Variants in DNAJA4 observed in about 807,000 individuals in gnomAD.
DNAJA4 encodes the protein dnaJ homolog subfamily A member 4.
A neutral mutation model predicts 39.7 loss-of-function variants in DNAJA4; 32 were observed. The observed-to-expected ratio is 0.81, with a 90% confidence interval of 0.61 to 1.08. The LOEUF (loss-of-function observed/expected upper bound fraction) is 1.08. Ranked by LOEUF, DNAJA4 falls within the 50% of genes least tolerant of loss-of-function variation. The pLI is 0.00. For synonymous variants in DNAJA4, 184 were observed against 182.4 expected (o/e 1.01, Z -0.07); for missense variants, 439 against 505.1 (o/e 0.87, Z 1.25).
At chr15:78,278,384 A>G (rs1407481143) in intron 5 of DNAJA4, 1 of 435,458 alleles carries the variant, frequency 2.3e-6, no homozygotes, top group African/African-American at 2.0e-5. Context: ...TTGTTTGGCG[A>G]TGTCGTTGTG....
chr15:78,275,707 C>A lies in DNAJA4; in HGVS notation c.856C>A (p.Leu286Ile), dbSNP rs78756785. The A allele has an allele frequency of 2.5e-6, 4 of 1,609,870 alleles. No individual in the cohort carries two copies. Among genetic ancestry groups the A allele is most frequent in the Non-Finnish European group, 2.5e-6 (3 of 1,177,272 alleles). Reference protein sequence around the residue: ...KTIKTLDNRILVITSKAGEVI... With the variant: ...KTIKTLDNRIIVITSKAGEVI... ...GATAAAAACATTGGACAATCGAATT[C>A]TTGTTATTACATCCAAAGCAGGTAA... is the stretch of plus-strand genomic sequence containing the variant. Residue 286 changes from leucine to isoleucine, a missense_variant, in exon 5 of 7, where the codon CTT becomes ATT. Leu to Ile is a conservative substitution (Grantham distance 5). Transcript: ENST00000394852.
chr15:78,277,917 TTTTTG>T (rs2049517739), intron 5 of DNAJA4: 2 of 384,436 alleles, frequency 5.2e-6, no homozygotes, highest in Non-Finnish European at 5.1e-6. Flanking sequence ...TTGTTTGTCC[TTTTTG>T]TTTTGTTTTT....
At chr15:78,264,489 T>C, upstream of DNAJA4, 3 of 1,249,554 alleles carry the variant, frequency 2.4e-6, no homozygotes, top group Non-Finnish European at 2.0e-6. Flanking sequence ...TAGGCCTTTG[T>C]GGCGTCACCG....
At position 78,273,011 on chromosome 15, in the gene DNAJA4, A is replaced by C. The variant is rs940351444; in HGVS notation, c.314-84A>C. 12 of 822,840 alleles carry C rather than the reference A, an allele frequency of 1.5e-5. No homozygotes were observed. In the African/African-American group the frequency reaches 1.7e-4, roughly 12 times the overall value. The allele number at this position is 822,840 out of a possible 1,614,324, so 51.0% of individuals were successfully genotyped here. On this transcript the variant is annotated intron_variant, in intron 2 of 6. Coordinates refer to ENST00000394852, the MANE Select transcript of DNAJA4 (RefSeq NM_001130182.2). ...ACAGTCTTGAGTCTCTGGAGACTTCATACAACTAAGGGTCATATGGGTGGT... is the reference window on the plus strand; with the variant it reads ...ACAGTCTTGAGTCTCTGGAGACTTCCTACAACTAAGGGTCATATGGGTGGT...
intron 5 of DNAJA4, among the ~76,000 whole-genome samples, chr15:78,276,713 G>A (rs1330341903): frequency 2.0e-5 from 3 of 152,252 alleles, no homozygotes; most frequent in Non-Finnish European, 4.4e-5. Context: ...GTGGGGCTGG[G>A]ATTACCTTTT....
At chr15:78,266,154 C>CT (rs34954717) in intron 1 of DNAJA4, 1 of 1,448,704 alleles carries the variant, frequency 6.9e-7, no homozygotes, top group African/African-American at 1.4e-5. Context: ...CACCTGCTCC[C>CT]TACATTCATT....
chr15:78,264,598 CGGGGCGGGGGGCGGGCGG>C lies in DNAJA4; in HGVS notation c.-164_-147del, dbSNP rs2049063149. On this transcript the variant is annotated 5_prime_UTR_variant, in exon 1 of 7. Coordinates refer to ENST00000394852, the MANE Select transcript of DNAJA4 (RefSeq NM_001130182.2). ...GCCAGGCGTGGAAGTCGGTCCGGCG[CGGGGCGGGGGGCGGGCGG>C]GAGCTACAAGCGGCGGCGGCGGCGG... is the stretch of plus-strand genomic sequence containing the variant. 8.8e-7 allele frequency: 1 copy of C among 1,134,714 alleles called. No individual in the cohort carries two copies. Among genetic ancestry groups the C allele is most frequent in the South Asian group, 4.3e-5 (1 of 23,268 alleles). 70.3% of individuals were successfully genotyped at this position (1,134,714 alleles called of 1,614,324 possible).
At chr15:78,271,151 A>C (rs1005357362) in intron 2 of DNAJA4, among the ~76,000 whole-genome samples, 1 of 152,208 alleles carries the variant, frequency 6.6e-6, no homozygotes, top group Non-Finnish European at 1.5e-5. Context: ...TGCTCAGGCT[A>C]CCTGGAAACT....
chr15:78,268,401 G>A (rs917305902), intron 1 of DNAJA4, among the ~76,000 whole-genome samples: 1 of 152,146 alleles, frequency 6.6e-6, no homozygotes. Context: ...CCTTATATAT[G>A]ATGCTGATGT....
At position 78,264,711 on chromosome 15, in the gene DNAJA4, G is replaced by C; in HGVS notation, c.-53G>C. 1.5e-6 allele frequency: 2 copies of C among 1,376,176 alleles called. No homozygotes were observed. Among genetic ancestry groups the C allele is most frequent in the Non-Finnish European group, 9.6e-7 (1 of 1,047,010 alleles). 85.2% of individuals were successfully genotyped at this position (1,376,176 alleles called of 1,614,324 possible). ...AGGGGCGCGGGCCAGGGTGCCGGCA[G>C]GGGCGTCCGGGGCGCTCTGACCGGC... On this transcript the variant is annotated 5_prime_UTR_variant, in exon 1 of 7. Coordinates refer to ENST00000394852, the MANE Select transcript of DNAJA4 (RefSeq NM_001130182.2).
At chr15:78,267,168 G>GTGTGTGTA (rs1555438043) in intron 1 of DNAJA4, among the ~76,000 whole-genome samples, 13 of 102,414 alleles carry the variant, frequency 1.3e-4, no homozygotes, top group South Asian at 3.1e-4. Flanking sequence ...GTATGTGAGT[G>GTGTGTGTA]TGTGAGTGTG....
chr15:78,265,748 G>C (rs1377733011), intron 1 of DNAJA4: 1 of 678,304 alleles, frequency 1.5e-6, no homozygotes, highest in East Asian at 2.7e-5. Context: ...TTCACTTCTT[G>C]CCATTTTCTT....
intron 1 of DNAJA4, among the ~76,000 whole-genome samples, chr15:78,268,828 G>A (rs2049215403): frequency 6.6e-6 from 1 of 152,242 alleles, no homozygotes; most frequent in African/African-American, 2.4e-5. Flanking sequence ...TGCAGTGGGG[G>A]CTACAGCATA....
intron 1 of DNAJA4, chr15:78,266,150 C>A: frequency 7.2e-7 from 1 of 1,385,748 alleles, no homozygotes. Flanking sequence ...CATCCACCTG[C>A]TCCCTACATT....
chr15:78,278,753 G>A (rs112752041), intron 5 of DNAJA4, among the ~76,000 whole-genome samples: 9,847 of 150,870 alleles, frequency 0.065, 1,057 homozygotes, highest in African/African-American at 0.23. Flanking sequence ...CCGGGTTCAC[G>A]CCATTCTCCT....
rs559573900 is a variant in DNAJA4, at chr15:78,281,278, C to T, written c.*818C>T. On this transcript the variant is annotated 3_prime_UTR_variant, in exon 7 of 7. Transcript: ENST00000394852. ...AGAAAACTAAATCCTTCTGTGTCCC[C>T]GGCAGCCTCAGTGCAGCAACAGAAG... 3.9e-5 allele frequency: 6 copies of T among 152,758 alleles called. No homozygotes were observed. Among genetic ancestry groups the T allele is most frequent in the Admixed American group, 6.5e-5 (1 of 15,308 alleles). 9.5% of individuals were successfully genotyped at this position (152,758 alleles called of 1,614,324 possible). A position where few individuals can be genotyped will look rare whatever the true frequency, so the allele number is the denominator to read the frequency against.
intron 5 of DNAJA4, among the ~76,000 whole-genome samples, chr15:78,276,685 G>A (rs1412217553): frequency 2.0e-5 from 3 of 152,398 alleles, no homozygotes; most frequent in South Asian, 2.1e-4. Flanking sequence ...CAGTGTTGCT[G>A]TAGTCCCCTC....
In DNAJA4 at chr15:78,281,305, C is replaced by G. The variant is rs2049647258; in HGVS notation, c.*845C>G. On this transcript the variant is annotated 3_prime_UTR_variant, in exon 7 of 7. Transcript: ENST00000394852. ...GCAGCCTCAGTGCAGCAACAGAAGC[C>G]AAGGGAGAATGCTGCTGGTTTGGCC... 6.6e-6 allele frequency: 1 copy of G among 152,642 alleles called. No individual in the cohort carries two copies. The highest frequency in any genetic ancestry group is 6.5e-5 in the Admixed American group (1 of 15,288). 9.5% of individuals were successfully genotyped at this position (152,642 alleles called of 1,614,324 possible).
At position 78,264,641 on chromosome 15, in the gene DNAJA4, G is replaced by GCGGCGA. The variant is rs2049065857; in HGVS notation, c.-121_-120insGCGACG. ...GGAGCTACAAGCGGCGGCGGCGGCG[G>GCGGCGA]CGACCGTGACCGTGACGCGCGAGCG... On this transcript the variant is annotated 5_prime_UTR_variant, in exon 1 of 7. Coordinates refer to ENST00000394852, the MANE Select transcript of DNAJA4 (RefSeq NM_001130182.2). The GCGGCGA allele has an allele frequency of 2.9e-6, 3 of 1,019,500 alleles. No individual in the cohort carries two copies. In the South Asian group the frequency reaches 1.3e-4, roughly 45 times the overall value. 63.2% of individuals were successfully genotyped at this position (1,019,500 alleles called of 1,614,324 possible).
Sources: gnomAD v4.1 joint callset for allele counts (sites outside exome capture counted in the v4.1 genomes callset) on GRCh38, gnomAD v4.1.1 for gene constraint, MANE v1.5 for transcripts, NCBI Gene and HGNC (gene_info 2026-07-23, HGNC 2026-07-21) for gene names.